The following GALNT17 variants were observed in gnomAD, a reference collection of about 807,000 sequenced individuals.
The protein encoded by GALNT17 is polypeptide N-acetylgalactosaminyltransferase 17, also known as UDP-GalNAc:polypeptide N-acetylgalactosaminyltransferase-like 3.
Under a neutral mutation model 63.7 loss-of-function variants are expected in GALNT17, and 29 were observed. The observed-to-expected ratio is 0.46, with a 90% confidence interval of 0.34 to 0.62. The LOEUF (loss-of-function observed/expected upper bound fraction) is 0.62, where lower values mean the gene tolerates loss of function less well. Ranked by LOEUF, GALNT17 falls within the 20% of genes least tolerant of loss-of-function variation. The pLI is 0.01. For missense variants in GALNT17, 603 were observed against 799.6 expected (o/e 0.75, Z 2.97); for synonymous variants, 305 against 318.3 (o/e 0.96, Z 0.45).
intron 9 of GALNT17, among the ~76,000 whole-genome samples, chr7:71,683,657 C>T (rs967925731): frequency 2.6e-5 from 4 of 152,120 alleles, no homozygotes; most frequent in African/African-American, 7.2e-5. Context: ...TGGCTGATTA[C>T]TAATTAGAAT....
chr7:71,578,531 G>A (rs1009149338), intron 6 of GALNT17, among the ~76,000 whole-genome samples: 1 of 151,938 alleles, frequency 6.6e-6, no homozygotes, highest in Admixed American at 6.6e-5. Context: ...TGTAGAGATG[G>A]GGGTCTCACT....
Position 71,359,888 on chromosome 7 carries a change from G to A in GALNT17, c.422+24155G>A, listed in dbSNP as rs181486890. 1.9e-3 allele frequency among the ~76,000 whole-genome samples: 288 copies of A among 152,202 alleles called. 1 individual carries two copies. Among genetic ancestry groups the A allele is most frequent in the African/African-American group, 6.6e-3 (275 of 41,534 alleles). The stretch of plus-strand genomic sequence containing the variant: ...ATAATCCAATCCAGGGTTGATTTCC[G>A]TTTATATTGCTGAAACCATGTAAGG... On this transcript the variant is annotated intron_variant, in intron 2 of 10. Coordinates refer to ENST00000333538, the MANE Select transcript of GALNT17 (RefSeq NM_022479.3).
chr7:71,134,089 C>G (rs1787738068), intron 1 of GALNT17, among the ~76,000 whole-genome samples: 1 of 152,192 alleles, frequency 6.6e-6, no homozygotes, highest in Non-Finnish European at 1.5e-5. Flanking sequence ...TCCACCCATC[C>G]ACAGAGGGGA....
chr7:71,646,882 G>C (rs1790683585), intron 6 of GALNT17, among the ~76,000 whole-genome samples: 1 of 150,018 alleles, frequency 6.7e-6, no homozygotes, highest in Non-Finnish European at 1.5e-5. Flanking sequence ...GAGTAGCTGG[G>C]ACTACAGGTG....
At chr7:71,454,796 G>T (rs571237654) in intron 5 of GALNT17, among the ~76,000 whole-genome samples, 1 of 152,122 alleles carries the variant, frequency 6.6e-6, no homozygotes, top group Admixed American at 6.6e-5. Context: ...GACATCAAAA[G>T]GTGAAATAGA....
chr7:71,536,676 C>A (rs971531210), intron 5 of GALNT17, among the ~76,000 whole-genome samples: 4 of 152,144 alleles, frequency 2.6e-5, no homozygotes, highest in African/African-American at 9.7e-5. Flanking sequence ...CTGGGTCCCT[C>A]CCACAACACG....
intron 1 of GALNT17, among the ~76,000 whole-genome samples, chr7:71,140,219 C>T (rs140553476): frequency 1.3e-5 from 2 of 152,268 alleles, no homozygotes; most frequent in African/African-American, 4.8e-5. Context: ...CAGAAGGAAA[C>T]CAGGGCAGTT....
chr7:71,482,646 A>G (rs1195814249), intron 5 of GALNT17, among the ~76,000 whole-genome samples: 2 of 152,202 alleles, frequency 1.3e-5, no homozygotes, highest in East Asian at 1.9e-4. Context: ...ACACAATGCT[A>G]AGTATTTGTG....
intron 6 of GALNT17, among the ~76,000 whole-genome samples, chr7:71,626,296 A>C (rs897480917): frequency 2.0e-5 from 3 of 151,826 alleles, no homozygotes; most frequent in Admixed American, 6.6e-5. Flanking sequence ...CCATGTGAAG[A>C]CAAAGGGAAA....
rs145808507 is a variant in GALNT17, at chr7:71,353,064, G to A, written c.422+17331G>A. ...GAATTTTATTGTGAAAGGGAGAAGA[G>A]GCATGCTAGCCTGAGGGCTTTGGGG... is the stretch of plus-strand genomic sequence containing the variant. On this transcript the variant is annotated intron_variant, in intron 2 of 10. Transcript: ENST00000333538. 5.9e-5 allele frequency among the ~76,000 whole-genome samples: 9 copies of A among 151,936 alleles called. No individual in the cohort carries two copies. In the East Asian group the frequency reaches 1.7e-3, roughly 29 times the overall value.
intron 5 of GALNT17, among the ~76,000 whole-genome samples, chr7:71,515,447 T>C (rs75540724): frequency 0.044 from 6,739 of 152,252 alleles, 280 homozygotes; most frequent in African/African-American, 0.11. Flanking sequence ...AGTTTCTCTC[T>C]GTCTTTTACT....
chr7:71,318,471 G>A (rs1383631009), intron 1 of GALNT17, among the ~76,000 whole-genome samples: 2 of 148,692 alleles, frequency 1.3e-5, no homozygotes, highest in African/African-American at 2.5e-5. Flanking sequence ...CCAGGCTGGA[G>A]TGCAGTGGTG....
chr7:71,198,000 C>T (rs1789088276), intron 1 of GALNT17, among the ~76,000 whole-genome samples: 1 of 151,940 alleles, frequency 6.6e-6, no homozygotes, highest in African/African-American at 2.4e-5. Context: ...GAGTTCGAGA[C>T]CAGCCTGGCC....
chr7:71,488,830 C>T (rs898812181), intron 5 of GALNT17, among the ~76,000 whole-genome samples: 1 of 149,610 alleles, frequency 6.7e-6, no homozygotes, highest in African/African-American at 2.5e-5. Context: ...GATCCACCTG[C>T]CTCAACCTCC....
intron 8 of GALNT17, among the ~76,000 whole-genome samples, chr7:71,675,902 C>A (rs976179222): frequency 2.0e-5 from 3 of 152,126 alleles, no homozygotes; most frequent in Admixed American, 1.3e-4. Context: ...GCAGGAGTAT[C>A]GCTTGAACCC....
At chr7:71,694,584 C>T (rs184848356) in intron 9 of GALNT17, among the ~76,000 whole-genome samples, 2 of 152,180 alleles carry the variant, frequency 1.3e-5, no homozygotes, top group East Asian at 1.9e-4. Flanking sequence ...TTAGTAGAGA[C>T]GGGGTTTCAC....
intron 6 of GALNT17, among the ~76,000 whole-genome samples, chr7:71,642,433 C>T (rs1790617526): frequency 6.6e-6 from 1 of 152,200 alleles, no homozygotes; most frequent in South Asian, 2.1e-4. Context: ...TCTCCAAAAG[C>T]AGGCCCCCAA....
At chr7:71,160,750 C>T (rs916031390) in intron 1 of GALNT17, among the ~76,000 whole-genome samples, 17 of 152,290 alleles carry the variant, frequency 1.1e-4, no homozygotes, top group African/African-American at 3.8e-4. Flanking sequence ...TGAGCCACCG[C>T]GCACGGCCAC....
At chr7:71,162,152 C>CCTTCCTTCCTTT (rs1788360812) in intron 1 of GALNT17, among the ~76,000 whole-genome samples, 10 of 137,680 alleles carry the variant, frequency 7.3e-5, no homozygotes, top group African/African-American at 2.7e-4. Context: ...TTCCTTCCTT[C>CCTTCCTTCCTTT]CTTCCTTCCT....
Sources: allele counts gnomAD v4.1 joint callset (sites outside exome capture counted in the v4.1 genomes callset), GRCh38; gene constraint gnomAD v4.1.1; transcripts MANE v1.5; gene names NCBI Gene and HGNC (gene_info 2026-07-23, HGNC 2026-07-21).